The following ST8SIA1 variants were observed in gnomAD, a reference collection of about 807,000 sequenced individuals.
The protein encoded by ST8SIA1 is ST8 alpha-N-acetyl-neuraminide alpha-2,8-sialyltransferase 1.
In ST8SIA1, 16 loss-of-function variants were observed where a neutral mutation model predicts 35.9. The observed-to-expected ratio is 0.45, with a 90% CI of 0.30 to 0.68. The LOEUF (loss-of-function observed/expected upper bound fraction) is 0.68, where lower values mean the gene tolerates loss of function less well. Ranked by LOEUF, ST8SIA1 falls within the 30% of genes least tolerant of loss-of-function variation. ST8SIA1 has a pLI of 0.09. For missense variants in ST8SIA1, 383 were observed against 453.6 expected (o/e 0.84, Z 1.41); for synonymous variants, 170 against 169.6 (o/e 1.00, Z -0.02).
chr12:22,226,802 C>T (rs1187677406), intron 4 of ST8SIA1, among the ~76,000 whole-genome samples: 2 of 152,184 alleles, frequency 1.3e-5, no homozygotes, highest in African/African-American at 2.4e-5. Context: ...TTCAGCTCAT[C>T]CTTTGTTCTC....
chr12:22,218,692 C>T (rs1320793549), intron 4 of ST8SIA1, among the ~76,000 whole-genome samples: 1 of 151,030 alleles, frequency 6.6e-6, no homozygotes, highest in East Asian at 1.9e-4. Context: ...ACTCAAGAGG[C>T]CAAGGCAGGA....
At chr12:22,239,971 G>T (rs1385734671) in intron 4 of ST8SIA1, among the ~76,000 whole-genome samples, 3 of 151,342 alleles carry the variant, frequency 2.0e-5, no homozygotes, top group Non-Finnish European at 4.4e-5. Flanking sequence ...TTCTGTTTTT[G>T]TTTTTTTTGT....
intron 4 of ST8SIA1, among the ~76,000 whole-genome samples, chr12:22,222,784 A>G (rs16924787): frequency 0.17 from 26,030 of 152,008 alleles, 2,381 homozygotes; most frequent in Middle Eastern, 0.28. Flanking sequence ...ATAGTCATAT[A>G]CTTTAACCCA....
intron 2 of ST8SIA1, among the ~76,000 whole-genome samples, chr12:22,270,848 AAGAAGAAACTTTTGTAGG>A (rs1173603985): frequency 6.6e-6 from 1 of 152,260 alleles, no homozygotes; most frequent in Non-Finnish European, 1.5e-5. Context: ...GAAATTTTAA[AAGAAGAAACTTTTGTAGG>A]AGTCGTAAAC....
intron 1 of ST8SIA1, among the ~76,000 whole-genome samples, chr12:22,310,635 G>T (rs375580116): frequency 4.6e-4 from 70 of 152,134 alleles, no homozygotes; most frequent in African/African-American, 1.5e-3. Flanking sequence ...TACAAGTGTG[G>T]TTTTTAAAAA....
At chr12:22,282,549 C>T (rs543740086) in intron 2 of ST8SIA1, among the ~76,000 whole-genome samples, 3 of 152,250 alleles carry the variant, frequency 2.0e-5, no homozygotes, top group South Asian at 2.1e-4. Context: ...ACCGAAACTG[C>T]GAAGTTCCTT....
At chr12:22,320,994 AGAAAGAAAGAAG>A (rs1866587688) in intron 1 of ST8SIA1, among the ~76,000 whole-genome samples, 1 of 112,246 alleles carries the variant, frequency 8.9e-6, no homozygotes, top group African/African-American at 3.7e-5. Context: ...AAAGAAAGAA[AGAAAGAAAGAAG>A]AAAGAAAGAA....
At chr12:22,298,620 G>T (rs939008188) in intron 1 of ST8SIA1, among the ~76,000 whole-genome samples, 44 of 152,128 alleles carry the variant, frequency 2.9e-4, no homozygotes, top group Admixed American at 5.2e-4. Context: ...ATCACATAAA[G>T]GTAATTCTTT....
intron 2 of ST8SIA1, among the ~76,000 whole-genome samples, chr12:22,279,751 C>T (rs1043728203): frequency 6.6e-6 from 1 of 152,192 alleles, no homozygotes; most frequent in Non-Finnish European, 1.5e-5. Context: ...CCTTTTAGCC[C>T]CCAAAGCTAT....
intron 1 of ST8SIA1, among the ~76,000 whole-genome samples, chr12:22,302,287 C>A (rs1332053125): frequency 6.6e-6 from 1 of 152,106 alleles, no homozygotes; most frequent in South Asian, 2.1e-4. Flanking sequence ...TAAAAACTAA[C>A]CTTTGCTTTC....
At chr12:22,292,705 G>C (rs1259630437) in intron 1 of ST8SIA1, among the ~76,000 whole-genome samples, 1 of 152,106 alleles carries the variant, frequency 6.6e-6, no homozygotes, top group African/African-American at 2.4e-5. Flanking sequence ...TGGGTACACA[G>C]GGACATAAAG....
chr12:22,249,200 G>A (rs1040076044), intron 3 of ST8SIA1, 102 bp from the exon 4 acceptor site: 96 of 765,240 alleles, frequency 1.3e-4, no homozygotes, highest in Non-Finnish European at 1.9e-4. Flanking sequence ...CTGAATTCAC[G>A]AGTAACTGTT....
At position 22,195,452 on chromosome 12, in the gene ST8SIA1, G is replaced by A. The variant is rs986623372; in HGVS notation, c.*6100C>T. ...TCTGTTTGTTGTTTTGTTTTGTTTT[G>A]TTTTGTTTTTTGTAACCAGGTAAAA... is the stretch of plus-strand genomic sequence containing the variant. On this transcript the variant is annotated 3_prime_UTR_variant, in exon 5 of 5. Coordinates refer to ENST00000396037, the MANE Select transcript of ST8SIA1 (RefSeq NM_003034.4). 1 of 150,698 alleles carries A rather than the reference G, an allele frequency of 6.6e-6. No individual in the cohort carries two copies. The highest frequency in any genetic ancestry group is 2.4e-5 in the African/African-American group (1 of 40,842). 9.3% of individuals were successfully genotyped at this position (150,698 alleles called of 1,614,324 possible).
intron 4 of ST8SIA1, among the ~76,000 whole-genome samples, chr12:22,238,163 T>TA (rs71444165): frequency 2.0e-5 from 3 of 151,546 alleles, no homozygotes; most frequent in African/African-American, 7.3e-5. Flanking sequence ...ACTTGAGAAC[T>TA]CCCCCCCCAA....
At chr12:22,276,104 C>G (rs921593580) in intron 2 of ST8SIA1, among the ~76,000 whole-genome samples, 1 of 152,164 alleles carries the variant, frequency 6.6e-6, no homozygotes, top group Admixed American at 6.5e-5. Flanking sequence ...TCCCTCAGGC[C>G]TCTGCCTACC....
chr12:22,333,805 CA>C (rs548064538), intron 1 of ST8SIA1, 191 bp downstream of exon 1: 24 of 766,174 alleles, frequency 3.1e-5, no homozygotes, highest in Non-Finnish European at 5.2e-5. Flanking sequence ...CTCTGGGGAT[CA>C]GGGGTGGGGA....
chr12:22,201,698 G>A lies in ST8SIA1; in HGVS notation c.925C>T (p.His309Tyr). 1 of 1,614,106 alleles carries A rather than the reference G, an allele frequency of 6.2e-7. No individual in the cohort carries two copies. ...GGTAAGACGTTGTCATAGTAGTGGT[G>A]GCTGATGGGCTGCTCATGCATATTC... The part of the protein sequence containing the change: ...SVNMHEQPIS[H>Y]HYYDNVLPFS... The change falls in exon 5 of 5, where the codon CAC becomes TAC. Residue 309 changes from histidine to tyrosine, a missense_variant. Transcript: ENST00000396037.
chr12:22,260,478 C>G (rs1395046790), intron 2 of ST8SIA1, among the ~76,000 whole-genome samples: 1 of 152,130 alleles, frequency 6.6e-6, no homozygotes, highest in East Asian at 1.9e-4. Flanking sequence ...TCTATTCTTG[C>G]TCAGCCACTA....
intron 4 of ST8SIA1, among the ~76,000 whole-genome samples, chr12:22,216,683 T>C (rs893843186): frequency 5.9e-5 from 9 of 152,348 alleles, no homozygotes; most frequent in Middle Eastern, 3.4e-3. Flanking sequence ...AAGACTAATG[T>C]CCTTTATCTT....
Sources: gnomAD v4.1 joint callset for allele counts (sites outside exome capture counted in the v4.1 genomes callset) on GRCh38, gnomAD v4.1.1 for gene constraint, MANE v1.5 for transcripts, NCBI Gene and HGNC (gene_info 2026-07-23, HGNC 2026-07-21) for gene names.